GRID2: variants seen among roughly 807,000 people sequenced by gnomAD.
The protein encoded by GRID2 is glutamate ionotropic receptor delta type subunit 2, also known as glutamate receptor ionotropic, delta-2.
A neutral mutation model predicts 114.8 loss-of-function variants in GRID2; 33 were observed. That is an observed-to-expected ratio of 0.29 (90% CI 0.22 to 0.38). The LOEUF (loss-of-function observed/expected upper bound fraction) is 0.38, where lower values mean the gene tolerates loss of function less well. Ranked by LOEUF, GRID2 falls within the 10% of genes least tolerant of loss-of-function variation. The pLI, the probability that GRID2 is intolerant of heterozygous loss-of-function variation, is 1.00. For synonymous variants in GRID2, 505 were observed against 449.9 expected (o/e 1.12, Z -1.55); for missense variants, 1,184 against 1,257.7 (o/e 0.94, Z 0.89).
intron 4 of GRID2, among the ~76,000 whole-genome samples, chr4:93,184,197 G>A (rs1740173386): frequency 6.6e-6 from 1 of 152,128 alleles, no homozygotes; most frequent in Non-Finnish European, 1.5e-5. Flanking sequence ...GCAGGTTCCA[G>A]TAGAGTGGCA....
chr4:93,748,956 T>C (rs1391149005), intron 14 of GRID2, among the ~76,000 whole-genome samples: 2 of 152,242 alleles, frequency 1.3e-5, no homozygotes, highest in East Asian at 3.9e-4. Context: ...AGAGCCACCA[T>C]TGCATAGGTA....
chr4:92,724,155 G>A (rs1347819648), intron 2 of GRID2, among the ~76,000 whole-genome samples: 2 of 151,998 alleles, frequency 1.3e-5, no homozygotes, highest in South Asian at 2.1e-4. Flanking sequence ...TGAGAAGATG[G>A]CCTCAATGAT....
intron 2 of GRID2, among the ~76,000 whole-genome samples, chr4:92,624,332 G>A (rs2149241130): frequency 6.6e-6 from 1 of 151,818 alleles, no homozygotes; most frequent in Admixed American, 6.6e-5. Context: ...TGCTATGAGT[G>A]ATTTCTCATA....
rs537740371 is a variant in GRID2 at position 93,572,742 on chromosome 4, C to T, written c.2194-53527C>T. On this transcript the variant is annotated intron_variant, in intron 13 of 15. Transcript: ENST00000282020. ...TTTCCATGGCTACATCTCAGGCACA[C>T]GACCACACCCACAGTAGCATTTATA... 7.9e-5 allele frequency among the ~76,000 whole-genome samples: 12 copies of T among 152,160 alleles called. No homozygotes were observed. In the South Asian group the frequency reaches 8.3e-4, roughly 11 times the overall value.
chr4:93,080,953 A>C (rs1729806773), intron 2 of GRID2, among the ~76,000 whole-genome samples: 1 of 152,176 alleles, frequency 6.6e-6, no homozygotes, highest in Non-Finnish European at 1.5e-5. Flanking sequence ...GGGGAGGCCA[A>C]ACCTGTCTTT....
At chr4:93,181,186 T>C (rs1739861825) in intron 4 of GRID2, among the ~76,000 whole-genome samples, 1 of 152,278 alleles carries the variant, frequency 6.6e-6, no homozygotes, top group Non-Finnish European at 1.5e-5. Context: ...AAAACAACAT[T>C]AATCTCCTTG....
chr4:93,553,920 C>G (rs1578247817), intron 13 of GRID2, among the ~76,000 whole-genome samples: 2 of 152,076 alleles, frequency 1.3e-5, no homozygotes, highest in African/African-American at 4.8e-5. Context: ...TAGTTATTAT[C>G]TGTTTGAAAA....
At chr4:93,517,706 G>C (rs1229973570) in intron 13 of GRID2, among the ~76,000 whole-genome samples, 1 of 151,796 alleles carries the variant, frequency 6.6e-6, no homozygotes, top group East Asian at 2.0e-4. Context: ...TGAGAACTAT[G>C]ACACATGGAA....
At chr4:93,364,926 A>G (rs1762197674) in intron 8 of GRID2, among the ~76,000 whole-genome samples, 1 of 152,140 alleles carries the variant, frequency 6.6e-6, no homozygotes, top group Non-Finnish European at 1.5e-5. Context: ...GTCCTGATAT[A>G]TCATTTGCAT....
intron 1 of GRID2, among the ~76,000 whole-genome samples, chr4:92,443,795 G>A (rs570193627): frequency 3.9e-4 from 60 of 152,286 alleles, no homozygotes; most frequent in African/African-American, 1.4e-3. Context: ...GCGTCCCTGC[G>A]TGGTATGACA....
intron 2 of GRID2, among the ~76,000 whole-genome samples, chr4:92,826,495 T>G (rs2149393411): frequency 6.6e-6 from 1 of 152,234 alleles, no homozygotes; most frequent in African/African-American, 2.4e-5. Context: ...TGTGGTCTGT[T>G]ATTCCCACTG....
At chr4:92,676,130 T>C (rs574693225) in intron 2 of GRID2, among the ~76,000 whole-genome samples, 45 of 149,174 alleles carry the variant, frequency 3.0e-4, no homozygotes, top group African/African-American at 1.1e-3. Flanking sequence ...AATCAGTTCA[T>C]ATGTTATGAT....
chr4:92,928,323 T>A (rs2149516616), intron 2 of GRID2, among the ~76,000 whole-genome samples: 1 of 151,818 alleles, frequency 6.6e-6, no homozygotes, highest in Non-Finnish European at 1.5e-5. Context: ...TTTCATATAA[T>A]TTTTATTTAG....
intron 1 of GRID2, 32 bp downstream of exon 1, chr4:92,304,776 T>A (rs372403385): frequency 6.7e-5 from 98 of 1,455,818 alleles, no homozygotes; most frequent in Middle Eastern, 3.5e-4. Flanking sequence ...TCGTGGTTAC[T>A]TTTACCGTTT....
At chr4:92,615,681 T>G (rs1190139939) in intron 2 of GRID2, among the ~76,000 whole-genome samples, 1 of 151,630 alleles carries the variant, frequency 6.6e-6, no homozygotes, top group Non-Finnish European at 1.5e-5. Context: ...CTCATCATAT[T>G]ATTCTGGCTA....
chr4:93,680,744 A>G (rs1725439844), intron 14 of GRID2, among the ~76,000 whole-genome samples: 4 of 151,686 alleles, frequency 2.6e-5, no homozygotes. Context: ...CATGCTAAAA[A>G]CTCTCAATAA....
intron 14 of GRID2, among the ~76,000 whole-genome samples, chr4:93,739,638 T>C (rs1165899725): frequency 6.6e-6 from 1 of 152,126 alleles, no homozygotes; most frequent in Non-Finnish European, 1.5e-5. Flanking sequence ...GTTGCCACTA[T>C]CCAAAAAATG....
At chr4:93,683,015 A>G (rs1416074745) in intron 14 of GRID2, among the ~76,000 whole-genome samples, 1 of 152,130 alleles carries the variant, frequency 6.6e-6, no homozygotes, top group Admixed American at 6.6e-5. Flanking sequence ...AACTGAGGGA[A>G]ATATGATTCA....
rs963747613 is a variant in GRID2 at position 92,653,441 on chromosome 4, A to G, written c.244+63155A>G. On this transcript the variant is annotated intron_variant, in intron 2 of 15. Transcript: ENST00000282020. ...TCTTTTTTCTGAGTAACTGCAATGAATTTATCATGAAATATGGTAAACTTC... is the reference window on the plus strand; with the variant it reads ...TCTTTTTTCTGAGTAACTGCAATGAGTTTATCATGAAATATGGTAAACTTC... 1.6e-4 allele frequency among the ~76,000 whole-genome samples: 24 copies of G among 151,650 alleles called. 1 individual carries two copies. The highest frequency in any genetic ancestry group is 5.6e-4 in the African/African-American group (23 of 41,308).
Sources: allele counts gnomAD v4.1 joint callset (sites outside exome capture counted in the v4.1 genomes callset), GRCh38; gene constraint gnomAD v4.1.1; transcripts MANE v1.5; gene names NCBI Gene and HGNC (gene_info 2026-07-23, HGNC 2026-07-21).